PAPPA: variants seen among roughly 807,000 people sequenced by gnomAD.
PAPPA encodes pappalysin-1.
A neutral mutation model predicts 164.0 loss-of-function variants in PAPPA; 60 were observed. That is an observed-to-expected ratio of 0.37 (90% CI 0.30 to 0.45). The LOEUF (loss-of-function observed/expected upper bound fraction) is 0.45. Among genes scored for constraint, PAPPA ranks in the 20% least tolerant of loss-of-function variants. The pLI, the probability that PAPPA is intolerant of heterozygous loss-of-function variation, is 1.00. For synonymous variants in PAPPA, 875 were observed against 814.1 expected (o/e 1.07, Z -1.27); for missense variants, 1,782 against 2,087.3 (o/e 0.85, Z 2.85).
chr9:116,154,261 G>A lies in PAPPA; in HGVS notation c.89G>A (p.Arg30Lys). The change falls in exon 1 of 22, where the codon AGA (arginine) becomes AAA (lysine). Residue 30 changes from arginine (R) to lysine (K), a missense_variant. Physicochemically the swap from Arg to Lys is conservative, Grantham distance 26 (BLOSUM62 2). Transcript: ENST00000328252. The surrounding 1 kb of genome is among the most constrained non-coding windows in gnomAD (Gnocchi z 5.2). Reference sequence around the variant, plus strand: ...GCCGAGCGTCCCCGCCGGGCCCGGAGAGACCCGCGGGCCGGCCGACCCCCG... The same window carrying A: ...GCCGAGCGTCCCCGCCGGGCCCGGAAAGACCCGCGGGCCGGCCGACCCCCG... ...GLAERPRRAR[R>K]DPRAGRPPRP... The A allele has an allele frequency of 8.4e-7, 1 of 1,188,898 alleles. No individual in the cohort carries two copies. The highest frequency in any genetic ancestry group is 1.0e-6 in the Non-Finnish European group (1 of 957,466). The allele number at this position is 1,188,898 out of a possible 1,614,324, so 73.6% of individuals were successfully genotyped here. A position where few individuals can be genotyped will look rare whatever the true frequency, so the allele number is the denominator to read the frequency against.
chr9:116,365,211 G>A (rs1846483814), intron 18 of PAPPA, among the ~76,000 whole-genome samples: 1 of 152,138 alleles, frequency 6.6e-6, no homozygotes, highest in East Asian at 1.9e-4. Context: ...GGGGGCTGGA[G>A]GGCACATTCT....
rs886068091 is a variant in PAPPA, at chr9:116,317,842, C to T, written c.3148-13402C>T. ...TTCATCCTGACTGAAGTTAACAGTG[C>T]TCTCTTGATCTGATCCAGAGTCTAC... is the stretch of plus-strand genomic sequence containing the variant. On this transcript the variant is annotated intron_variant, in intron 10 of 21. Coordinates refer to ENST00000328252, the MANE Select transcript of PAPPA (RefSeq NM_002581.5). Among the ~76,000 whole-genome samples the T allele has an allele frequency of 4.0e-5, 6 of 151,564 alleles. No individual in the cohort carries two copies. In the South Asian group the frequency reaches 1.3e-3, roughly 32 times the overall value.
chr9:116,248,403 A>G (rs189973180), intron 7 of PAPPA, among the ~76,000 whole-genome samples: 2 of 152,314 alleles, frequency 1.3e-5, no homozygotes, highest in East Asian at 3.9e-4. Flanking sequence ...TAGCTCTGAA[A>G]TTCTGTTCAG....
At chr9:116,207,702 T>C (rs751943382) in intron 3 of PAPPA, 101 bp downstream of exon 3, 22 of 869,840 alleles carry the variant, frequency 2.5e-5, no homozygotes, top group Non-Finnish European at 3.7e-5. Flanking sequence ...GTGGTGGTAG[T>C]TGTGAGGGTG....
In PAPPA at chr9:116,397,753, A is replaced by G. The variant is rs1004864333; in HGVS notation, c.*1137A>G. 2 of 152,658 alleles carry G rather than the reference A, an allele frequency of 1.3e-5. No homozygotes were observed. Among genetic ancestry groups the G allele is most frequent in the Non-Finnish European group, 2.9e-5 (2 of 68,046 alleles). The allele number at this position is 152,658 out of a possible 1,614,324, so 9.5% of individuals were successfully genotyped here. A position where few individuals can be genotyped will look rare whatever the true frequency, so the allele number is the denominator to read the frequency against. Reference sequence around the variant, plus strand: ...GTTAGATTTTGTAAACAAGTGGAACAGTGTTAAATTTCTATGATGTTGGAG... The same window carrying G: ...GTTAGATTTTGTAAACAAGTGGAACGGTGTTAAATTTCTATGATGTTGGAG... On this transcript the variant is annotated 3_prime_UTR_variant, in exon 22 of 22. Transcript: ENST00000328252.
chr9:116,212,676 G>A (rs1049791974), intron 4 of PAPPA, among the ~76,000 whole-genome samples: 18 of 152,118 alleles, frequency 1.2e-4, no homozygotes, highest in African/African-American at 4.3e-4. Context: ...TCTATTCTCA[G>A]AAGTCAGCAC....
chr9:116,297,964 G>A (rs1188069480), intron 9 of PAPPA, among the ~76,000 whole-genome samples: 2 of 152,162 alleles, frequency 1.3e-5, no homozygotes, highest in Non-Finnish European at 2.9e-5. Context: ...GCATAGGGAG[G>A]TGAAATACCA....
rs1309130807 is a variant in PAPPA at position 116,401,903 on chromosome 9, C to T, written c.*5287C>T. On this transcript the variant is annotated 3_prime_UTR_variant, in exon 22 of 22. Transcript: ENST00000328252. The stretch of plus-strand genomic sequence containing the variant: ...AGACACAAAGAAAATAATCTAAACA[C>T]CAAAAACTAAACACAATTCCAATCC... 1 of 151,130 alleles carries T rather than the reference C, an allele frequency of 6.6e-6. No homozygotes were observed. 9.4% of individuals were successfully genotyped at this position (151,130 alleles called of 1,614,324 possible). A position where few individuals can be genotyped will look rare whatever the true frequency, so the allele number is the denominator to read the frequency against.
intron 1 of PAPPA, among the ~76,000 whole-genome samples, chr9:116,164,706 G>A (rs912708454): frequency 2.6e-5 from 4 of 152,140 alleles, no homozygotes; most frequent in Admixed American, 6.5e-5. Context: ...AGGTGGCTCG[G>A]CAGAATGTGG....
chr9:116,333,171 T>A (rs941229449), intron 12 of PAPPA, among the ~76,000 whole-genome samples: 1 of 151,978 alleles, frequency 6.6e-6, no homozygotes, highest in African/African-American at 2.4e-5. Context: ...ACAGCTGAGG[T>A]TTGGATCCTG....
chr9:116,289,153 T>TAGC (rs2118861077), intron 9 of PAPPA, among the ~76,000 whole-genome samples: 2 of 33,024 alleles, frequency 6.1e-5, no homozygotes, highest in African/African-American at 2.0e-4. Flanking sequence ...TATATATATA[T>TAGC]ATATATAGCA....
At chr9:116,392,683 T>C (rs1366971842) in intron 21 of PAPPA, among the ~76,000 whole-genome samples, 1 of 152,142 alleles carries the variant, frequency 6.6e-6, no homozygotes, top group African/African-American at 2.4e-5. Flanking sequence ...GAACAGGCAG[T>C]TCACAAAGAG....
Position 116,276,558 on chromosome 9 carries a change from G to T in PAPPA, c.2953+5142G>T, listed in dbSNP as rs184563591. On this transcript the variant is annotated intron_variant, in intron 9 of 21. Coordinates refer to ENST00000328252, the MANE Select transcript of PAPPA (RefSeq NM_002581.5). ...AAAGCTTCTTCCCTCATCTGATACTGAGGAATCTCCGATTTGTCAAACAGC... is the reference window on the plus strand; with the variant it reads ...AAAGCTTCTTCCCTCATCTGATACTTAGGAATCTCCGATTTGTCAAACAGC... Among the ~76,000 whole-genome samples the T allele has an allele frequency of 5.3e-5, 8 of 152,290 alleles. No individual in the cohort carries two copies. In the East Asian group the frequency reaches 9.6e-4, roughly 18 times the overall value.
chr9:116,203,224 G>A (rs1844191829), intron 2 of PAPPA, among the ~76,000 whole-genome samples: 1 of 152,246 alleles, frequency 6.6e-6, no homozygotes, highest in Non-Finnish European at 1.5e-5. Flanking sequence ...ACAGGTTAGA[G>A]CAGAGAGGTT....
At chr9:116,373,133 TCTAA>T (rs1158169227) in intron 19 of PAPPA, 1 of 152,168 alleles carries the variant, frequency 6.6e-6, no homozygotes, top group Non-Finnish European at 1.5e-5. Flanking sequence ...TTAAGTCCAG[TCTAA>T]CTGACCTAGA....
intron 9 of PAPPA, among the ~76,000 whole-genome samples, chr9:116,294,815 C>A (rs1423631559): frequency 6.6e-6 from 1 of 152,130 alleles, no homozygotes; most frequent in African/African-American, 2.4e-5. Flanking sequence ...CTTTAAAGAT[C>A]TTTTTGAAAA....
intron 7 of PAPPA, among the ~76,000 whole-genome samples, chr9:116,251,607 TGC>T (rs2118780871): frequency 6.6e-6 from 1 of 152,326 alleles, no homozygotes; most frequent in South Asian, 2.1e-4. Flanking sequence ...TTTCACACTC[TGC>T]AGCATGCCTG....
chr9:116,206,586 C>T (rs180892557), intron 2 of PAPPA, among the ~76,000 whole-genome samples: 275 of 152,178 alleles, frequency 1.8e-3, no homozygotes, highest in African/African-American at 6.1e-3. Flanking sequence ...AAGCTTTGTG[C>T]GGAGAACTGG....
chr9:116,313,754 T>C (rs1210597164), intron 10 of PAPPA, among the ~76,000 whole-genome samples: 1 of 152,150 alleles, frequency 6.6e-6, no homozygotes, highest in Non-Finnish European at 1.5e-5. Context: ...ATGTGGTTCA[T>C]GAAACTGAGG....
Sources: allele counts gnomAD v4.1 joint callset (sites outside exome capture counted in the v4.1 genomes callset), GRCh38; gene constraint gnomAD v4.1.1; non-coding constraint Gnocchi (gnomAD v3.1); transcripts MANE v1.5; gene names NCBI Gene and HGNC (gene_info 2026-07-23, HGNC 2026-07-21).